Variants in KCNQ4 observed in about 807,000 individuals in gnomAD.
KCNQ4 encodes the protein potassium voltage-gated channel subfamily KQT member 4.
KCNQ4 carries 31 observed loss-of-function variants against 72.6 expected under a neutral mutation model. The observed-to-expected ratio is 0.43, with a 90% confidence interval of 0.32 to 0.58. The LOEUF (loss-of-function observed/expected upper bound fraction) is 0.58. Ranked by LOEUF, KCNQ4 falls within the 20% of genes least tolerant of loss-of-function variation. KCNQ4 has a pLI of 0.08. For synonymous variants in KCNQ4, 405 were observed against 403.7 expected, an observed-to-expected ratio of 1.00 and a Z score of -0.04; for missense variants, 869 against 962.6, an observed-to-expected ratio of 0.90 and a Z score of 1.29.
At position 40,830,855 on chromosome 1, in the gene KCNQ4, T is replaced by G. The variant is rs1648620297; in HGVS notation, c.1293-229T>G. Among the ~76,000 whole-genome samples, 3 of 152,066 alleles carry G rather than the reference T, an allele frequency of 2.0e-5. 1 individual carries two copies. In the South Asian group the frequency reaches 6.2e-4, roughly 32 times the overall value. ...CCTTATCTGTCCGGGTGATGAGGGG[T>G]GGGATGTGGGTGGTGGGGAGAGGAT... On this transcript the variant is annotated intron_variant, in intron 9 of 13. Transcript: ENST00000347132.
chr1:40,801,971 C>T (rs904406419), intron 1 of KCNQ4, among the ~76,000 whole-genome samples: 6 of 152,238 alleles, frequency 3.9e-5, no homozygotes, highest in African/African-American at 9.6e-5. Flanking sequence ...TGGACCTCAG[C>T]TCCAGTATTC....
chr1:40,804,467 T>C lies in KCNQ4; in HGVS notation c.315-12798T>C, dbSNP rs530223744. Among the ~76,000 whole-genome samples, 3 of 152,296 alleles carry C rather than the reference T, an allele frequency of 2.0e-5. No homozygotes were observed. In the East Asian group the frequency reaches 5.8e-4, roughly 29 times the overall value. Reference sequence around the variant, plus strand: ...GGTTAATCTCTAAGGGACCTTTCAGTGCCCAGATATAGCCAGTATCTGGTC... The same window carrying C: ...GGTTAATCTCTAAGGGACCTTTCAGCGCCCAGATATAGCCAGTATCTGGTC... On this transcript the variant is annotated intron_variant, in intron 1 of 13. Coordinates refer to ENST00000347132, the MANE Select transcript of KCNQ4 (RefSeq NM_004700.4).
At chr1:40,829,847 G>C (rs553300368) in intron 9 of KCNQ4, among the ~76,000 whole-genome samples, 6 of 152,134 alleles carry the variant, frequency 3.9e-5, no homozygotes, top group Non-Finnish European at 7.4e-5. Context: ...GACGTCACAG[G>C]GCATGGGATG....
chr1:40,835,216 T>G (rs1455928236), intron 12 of KCNQ4, 118 bp downstream of exon 12: 4 of 1,338,370 alleles, frequency 3.0e-6, no homozygotes, highest in Non-Finnish European at 4.1e-6. Flanking sequence ...GCTGAGTTTC[T>G]AGACTGAGGA....
Position 40,817,316 on chromosome 1 carries a change from G to C in KCNQ4, c.366G>C (p.Gln122His). The C allele has an allele frequency of 6.2e-7, 1 of 1,614,038 alleles. No homozygotes were observed. Among genetic ancestry groups the C allele is most frequent in the Non-Finnish European group, 8.5e-7 (1 of 1,179,986 alleles). Residue 122 changes from glutamine to histidine, a missense_variant, in exon 2 of 14, where the codon CAG becomes CAC. Transcript: ENST00000347132. The surrounding 1 kb of genome is among the most constrained non-coding windows in gnomAD (Gnocchi z 5.5). ...TGCTGTCTGTGCTGTCCACTATCCA[G>C]GAGCACCAGGAACTTGCCAACGAGT... is the stretch of plus-strand genomic sequence containing the variant. Reference protein sequence around the residue: ...CLVLSVLSTIQEHQELANECL... With the variant: ...CLVLSVLSTIHEHQELANECL...
intron 1 of KCNQ4, among the ~76,000 whole-genome samples, chr1:40,792,034 TGTGGGTCGGGG>T (rs1429157853): frequency 7.6e-6 from 1 of 132,008 alleles, no homozygotes; most frequent in Admixed American, 7.4e-5. Flanking sequence ...TTTGGCGGGG[TGTGGGTCGGGG>T]GTGGGGTAGG....
chr1:40,825,344 G>T (rs933090926), intron 9 of KCNQ4, among the ~76,000 whole-genome samples: 2 of 152,216 alleles, frequency 1.3e-5, no homozygotes, highest in African/African-American at 2.4e-5. Context: ...ACCCGATGCT[G>T]TGTGTCCTGG....
intron 12 of KCNQ4, 77 bp downstream of exon 12, chr1:40,835,175 C>G (rs1648774909): frequency 7.8e-6 from 12 of 1,543,454 alleles, no homozygotes; most frequent in Admixed American, 3.5e-5. Context: ...TGAGGCCAAC[C>G]CCCGAGCACC....
Position 40,823,963 on chromosome 1 carries a change from T to C in KCNQ4, c.1131-134T>C, listed in dbSNP as rs1648392620. The C allele has an allele frequency of 1.8e-5, 18 of 1,010,982 alleles. No homozygotes were observed. The South Asian group carries it at 2.4e-4, about 13-fold the overall frequency. The allele number at this position is 1,010,982 out of a possible 1,614,324, so 62.6% of individuals were successfully genotyped here. ...TCTCCCACTGTCCACCCTGTCCTAT[T>C]CTGGCCGGGCTGTCAGTGAACACCT... On this transcript the variant is annotated intron_variant, in intron 8 of 13. Transcript: ENST00000347132.
rs777713194 is a variant in KCNQ4, at chr1:40,837,628, G to T, written c.1746-37G>T. On this transcript the variant is annotated intron_variant, in intron 12 of 13. Transcript: ENST00000347132. ...AATTCTTGTGGAAGGGAGGGACGGC[G>T]TGTCCCCGGGCCCTCTGATGGTTCC... 5 of 1,598,728 alleles carry T rather than the reference G, an allele frequency of 3.1e-6. No homozygotes were observed. In the Admixed American group the frequency reaches 6.9e-5, roughly 22 times the overall value.
chr1:40,799,440 C>G lies in KCNQ4; in HGVS notation c.314+15033C>G, dbSNP rs149387202. On this transcript the variant is annotated intron_variant, in intron 1 of 13. Coordinates refer to ENST00000347132, the MANE Select transcript of KCNQ4 (RefSeq NM_004700.4). ...GCAAATGTGTGGGCCATGCCCCCCC[C>G]CTCGCTAGGCAGTAAACACTGCCGT... Among the ~76,000 whole-genome samples the G allele has an allele frequency of 7.6e-4, 113 of 148,778 alleles. 4 individuals are homozygous for G. In the East Asian group the frequency reaches 0.018, roughly 24 times the overall value.
In KCNQ4 at chr1:40,831,138, G is replaced by A. The variant is rs747840033; in HGVS notation, c.1347G>A (p.Thr449=). ...RIRMGSSQRR[T]GPSKQHLAPP... ...GCATGGGCAGCTCCCAGCGGCGGAC[G>A]GGTCCTTCCAAGCAGCATCTGGCAC... The change falls in exon 10 of 14, where the codon ACG becomes ACA. Residue 449 remains threonine, a synonymous_variant. Coordinates refer to ENST00000347132, the MANE Select transcript of KCNQ4 (RefSeq NM_004700.4). 1.7e-5 allele frequency: 27 copies of A among 1,610,482 alleles called. No homozygotes were observed. The highest frequency in any genetic ancestry group is 1.6e-4 in the East Asian group (7 of 44,730).
chr1:40,824,405 C>T (rs1648412534), intron 9 of KCNQ4, 147 bp downstream of exon 9: 5 of 819,014 alleles, frequency 6.1e-6, no homozygotes, highest in Non-Finnish European at 9.5e-6. Context: ...GAGGGCCAGA[C>T]AGGTACAGAC....
chr1:40,796,459 G>A (rs115148799), intron 1 of KCNQ4, among the ~76,000 whole-genome samples: 1 of 152,166 alleles, frequency 6.6e-6, no homozygotes, highest in Non-Finnish European at 1.5e-5. Context: ...AGGAAGTTGA[G>A]GCACAAAGAG....
intron 1 of KCNQ4, among the ~76,000 whole-genome samples, chr1:40,789,331 C>A (rs921603253): frequency 2.6e-5 from 4 of 152,152 alleles, no homozygotes; most frequent in Non-Finnish European, 5.9e-5. Flanking sequence ...GGAACCCAAG[C>A]CTTTTGTCTC....
chr1:40,784,146 C>A lies in KCNQ4; in HGVS notation c.53C>A (p.Ala18Asp), dbSNP rs1347676173. 7.8e-6 allele frequency: 8 copies of A among 1,032,190 alleles called. No homozygotes were observed. Among genetic ancestry groups the A allele is most frequent in the South Asian group, 3.1e-5 (1 of 31,946 alleles). 63.9% of individuals were successfully genotyped at this position (1,032,190 alleles called of 1,614,324 possible). Residue 18 changes from alanine (A) to aspartate (D), a missense_variant, in exon 1 of 14, where the codon GCC (alanine) becomes GAC (aspartate). Transcript: ENST00000347132. The surrounding 1 kb of genome is among the most constrained non-coding windows in gnomAD (Gnocchi z 4.1). ...RLGLGPPPGD[A>D]PRAELVALTA... Reference sequence around the variant, plus strand: ...GGCCTGGGTCCCCCGCCCGGGGACGCCCCCCGCGCGGAGCTAGTGGCGCTC... The same window carrying A: ...GGCCTGGGTCCCCCGCCCGGGGACGACCCCCGCGCGGAGCTAGTGGCGCTC...
chr1:40,831,388 C>A, intron 10 of KCNQ4, 84 bp downstream of exon 10: 1 of 1,160,434 alleles, frequency 8.6e-7, no homozygotes. Flanking sequence ...GCAGAAAGAT[C>A]TGGCTCGCGT....
chr1:40,804,497 C>G (rs1647691080), intron 1 of KCNQ4, among the ~76,000 whole-genome samples: 1 of 152,164 alleles, frequency 6.6e-6, no homozygotes, highest in South Asian at 2.1e-4. Flanking sequence ...CTGGTCATAT[C>G]TTGCCACTTC....
At position 40,819,451 on chromosome 1, in the gene KCNQ4, C is replaced by A; in HGVS notation, c.813C>A (p.Ala271=). 1 of 1,613,758 alleles carries A rather than the reference C, an allele frequency of 6.2e-7. No individual in the cohort carries two copies. Among genetic ancestry groups the A allele is most frequent in the Non-Finnish European group, 8.5e-7 (1 of 1,179,902 alleles). The change falls in exon 5 of 14, where the codon GCC becomes GCA. Residue 271 remains alanine, a synonymous_variant. Transcript: ENST00000347132. The part of the protein sequence containing the change: ...KDANSDFSSY[A]DSLWWGTITL... ...CCAACTCCGACTTCTCCTCCTACGC[C>A]GACTCGCTCTGGTGGGGGACGGTGC...
Sources: allele counts gnomAD v4.1 joint callset (sites outside exome capture counted in the v4.1 genomes callset), GRCh38; gene constraint gnomAD v4.1.1; non-coding constraint Gnocchi (gnomAD v3.1); transcripts MANE v1.5; gene names NCBI Gene and HGNC (gene_info 2026-07-23, HGNC 2026-07-21).